Variants in DRG2 observed in about 807,000 individuals in gnomAD.
DRG2 encodes developmentally regulated GTP binding protein 2.
A neutral mutation model predicts 53.4 loss-of-function variants in DRG2; 36 were observed. The ratio of observed to expected loss-of-function variants is 0.67; its 90% CI spans 0.52 to 0.89. DRG2 has a LOEUF of 0.89. Ranked by LOEUF, DRG2 falls within the 40% of genes least tolerant of loss-of-function variation. The probability of loss-of-function intolerance (pLI) is 0.00; values close to 1 mark genes in which losing one functional copy is unlikely to be tolerated. For synonymous variants in DRG2, 167 were observed against 192.1 expected, an observed-to-expected ratio of 0.87 and a Z score of 1.08; for missense variants, 342 against 481.2, an observed-to-expected ratio of 0.71 and a Z score of 2.71.
At position 18,103,152 on chromosome 17, in the gene DRG2, C is replaced by T. The variant is rs932730737; in HGVS notation, c.807-649C>T. Among the ~76,000 whole-genome samples the T allele has an allele frequency of 6.6e-6, 1 of 152,126 alleles. No homozygotes were observed. Among genetic ancestry groups the T allele is most frequent in the Non-Finnish European group, 1.5e-5 (1 of 68,028 alleles). ...CCCAGGCCTTTGAGGGGCTGCCATCCTCAGGGCGTGAGAGCTTCTACACCT... is the reference window on the plus strand; with the variant it reads ...CCCAGGCCTTTGAGGGGCTGCCATCTTCAGGGCGTGAGAGCTTCTACACCT... On this transcript the variant is annotated intron_variant, in intron 9 of 12. Transcript: ENST00000225729. This position sits in a 1 kb window ranked among gnomAD's most constrained non-coding sequence, Gnocchi z 4.4.
chr17:18,090,934 A>G (rs2045323556), intron 1 of DRG2, among the ~76,000 whole-genome samples: 1 of 152,206 alleles, frequency 6.6e-6, no homozygotes, highest in African/African-American at 2.4e-5. Context: ...GCTTCCCCAA[A>G]GTGCTGGGAT....
Position 18,101,484 on chromosome 17 carries a change from G to C in DRG2, c.632-9G>C, listed in dbSNP as rs761443135. 6.2e-7 allele frequency: 1 copy of C among 1,613,646 alleles called. No individual in the cohort carries two copies. The highest frequency in any genetic ancestry group is 2.2e-5 in the East Asian group (1 of 44,878). ...GGTGCACAGGTTGCCCTTAATCGGAGCCCCTCAGAGATCTTCAATGCAGAA... is the reference window on the plus strand; with the variant it reads ...GGTGCACAGGTTGCCCTTAATCGGACCCCCTCAGAGATCTTCAATGCAGAA... On this transcript the variant is annotated splice_polypyrimidine_tract_variant and intron_variant, in intron 7 of 12. Coordinates refer to ENST00000225729, the MANE Select transcript of DRG2 (RefSeq NM_001388.5).
chr17:18,106,573 C>G (rs1033952425), intron 12 of DRG2, 87 bp downstream of exon 12: 36 of 1,442,812 alleles, frequency 2.5e-5, no homozygotes, highest in Middle Eastern at 1.7e-4. Flanking sequence ...ACACTCTCTG[C>G]GTGGTGTTCC....
In DRG2 at chr17:18,099,952, T is replaced by G. The variant is rs1205241121; in HGVS notation, c.467+229T>G. ...GGACTGGGGGCCGAGGGGCTTGGCC[T>G]GGCCCTGCTTCCTGTTCAGAGGCAC... On this transcript the variant is annotated intron_variant, in intron 5 of 12. Coordinates refer to ENST00000225729, the MANE Select transcript of DRG2 (RefSeq NM_001388.5). This position sits in a 1 kb window ranked among gnomAD's most constrained non-coding sequence, Gnocchi z 4.4. The G allele has an allele frequency of 5.0e-6, 3 of 600,768 alleles. No individual in the cohort carries two copies. The highest frequency in any genetic ancestry group is 8.8e-6 in the Non-Finnish European group (3 of 339,344). 37.2% of individuals were successfully genotyped at this position (600,768 alleles called of 1,614,324 possible).
intron 9 of DRG2, 23 bp downstream of exon 9, chr17:18,102,020 ACT>A: frequency 6.3e-7 from 1 of 1,599,398 alleles, no homozygotes; most frequent in Non-Finnish European, 8.5e-7. Flanking sequence ...GCATCCTGCC[ACT>A]CTGCTGTCCT....
At chr17:18,090,389 TATATATATA>T (rs1359102786) in intron 1 of DRG2, among the ~76,000 whole-genome samples, 1 of 12,704 alleles carries the variant, frequency 7.9e-5, no homozygotes, top group East Asian at 2.6e-3. Context: ...TATATATATA[TATATATATA>T]TATATATATT....
chr17:18,107,287 G>C lies in DRG2; in HGVS notation c.*47G>C, dbSNP rs372103375. On this transcript the variant is annotated 3_prime_UTR_variant, in exon 13 of 13. Coordinates refer to ENST00000225729, the MANE Select transcript of DRG2 (RefSeq NM_001388.5). ...CCCACCTGCCTCGTCTCCCTGGGGA[G>C]GTGGTCCCACTGGGACACACAAACA... The C allele has an allele frequency of 3.8e-6, 6 of 1,586,004 alleles. No individual in the cohort carries two copies. The highest frequency in any genetic ancestry group is 5.2e-6 in the Non-Finnish European group (6 of 1,159,960).
In DRG2 at chr17:18,107,435, G is replaced by C; in HGVS notation, c.*195G>C. 1 of 616,136 alleles carries C rather than the reference G, an allele frequency of 1.6e-6. No individual in the cohort carries two copies. The highest frequency in any genetic ancestry group is 2.9e-6 in the Non-Finnish European group (1 of 347,498). The allele number at this position is 616,136 out of a possible 1,614,324, so 38.2% of individuals were successfully genotyped here. A position where few individuals can be genotyped will look rare whatever the true frequency, so the allele number is the denominator to read the frequency against. ...TTGGGGCAAAGGGGCTCGGTTGGAG[G>C]CATTTCCCATAAGACTGAGCCCTCT... On this transcript the variant is annotated 3_prime_UTR_variant, in exon 13 of 13. Transcript: ENST00000225729.
chr17:18,104,495 G>C (rs1164966973), intron 10 of DRG2, 128 bp from the exon 11 acceptor site: 3 of 1,516,942 alleles, frequency 2.0e-6, no homozygotes, highest in Non-Finnish European at 1.8e-6. Context: ...CTGGATGTCA[G>C]GGGGAGGTTA....
rs753907126 is a variant in DRG2, at chr17:18,107,252, G to A, written c.*12G>A. 33 of 1,611,740 alleles carry A rather than the reference G, an allele frequency of 2.0e-5. No homozygotes were observed. Among genetic ancestry groups the A allele is most frequent in the Non-Finnish European group, 2.7e-5 (32 of 1,179,816 alleles). ...TCGTGAAGAAGTAACGGCGCCTGCC[G>A]GGCCTCCCGCCCACCTGCCTCGTCT... is the stretch of plus-strand genomic sequence containing the variant. On this transcript the variant is annotated 3_prime_UTR_variant, in exon 13 of 13. Coordinates refer to ENST00000225729, the MANE Select transcript of DRG2 (RefSeq NM_001388.5).
chr17:18,103,254 G>A lies in DRG2; in HGVS notation c.807-547G>A, dbSNP rs1457037213. On this transcript the variant is annotated intron_variant, in intron 9 of 12. Transcript: ENST00000225729. This position sits in a 1 kb window ranked among gnomAD's most constrained non-coding sequence, Gnocchi z 4.4. Reference sequence around the variant, plus strand: ...GTCACGGCGCAAACCTTCAAGCCACGGTCCACCCAGTATTTGGAGCAAGGC... The same window carrying A: ...GTCACGGCGCAAACCTTCAAGCCACAGTCCACCCAGTATTTGGAGCAAGGC... Among the ~76,000 whole-genome samples, 3 of 152,062 alleles carry A rather than the reference G, an allele frequency of 2.0e-5. No individual in the cohort carries two copies. Among genetic ancestry groups the A allele is most frequent in the Non-Finnish European group, 2.9e-5 (2 of 68,014 alleles).
At chr17:18,093,162 C>T (rs779289533) in intron 1 of DRG2, among the ~76,000 whole-genome samples, 1 of 152,182 alleles carries the variant, frequency 6.6e-6, no homozygotes, top group Admixed American at 6.5e-5. Flanking sequence ...AGCTGGTTTC[C>T]CTGCCCCCTG....
At chr17:18,104,444 A>C in intron 10 of DRG2, 179 bp from the exon 11 acceptor site, 3 of 1,319,428 alleles carry the variant, frequency 2.3e-6, no homozygotes, top group East Asian at 5.1e-5. Context: ...GTTAAGATCA[A>C]GGTCGTAGAA....
chr17:18,100,687 G>A lies in DRG2; in HGVS notation c.631+28G>A. ...ATCCTTCCCTGAAAGACACGTGAAG[G>A]AGGGCAGCCACCACCGTCAGCGCAG... is the stretch of plus-strand genomic sequence containing the variant. On this transcript the variant is annotated intron_variant, in intron 7 of 12. Transcript: ENST00000225729. The surrounding 1 kb of genome is among the most constrained non-coding windows in gnomAD (Gnocchi z 4.1). The A allele has an allele frequency of 6.3e-7, 1 of 1,598,870 alleles. No homozygotes were observed. The highest frequency in any genetic ancestry group is 8.5e-7 in the Non-Finnish European group (1 of 1,172,524).
At position 18,103,512 on chromosome 17, in the gene DRG2, C is replaced by T. The variant is rs1317009724; in HGVS notation, c.807-289C>T. Among the ~76,000 whole-genome samples, 2 of 152,198 alleles carry T rather than the reference C, an allele frequency of 1.3e-5. No individual in the cohort carries two copies. The highest frequency in any genetic ancestry group is 2.9e-5 in the Non-Finnish European group (2 of 68,026). On this transcript the variant is annotated intron_variant, in intron 9 of 12. Transcript: ENST00000225729. This position sits in a 1 kb window ranked among gnomAD's most constrained non-coding sequence, Gnocchi z 4.4. ...GTCCCGTCACAGCCCCCGGCCATCTCGCCATGGCAGCCCTTCACTAATCAC... is the reference window on the plus strand; with the variant it reads ...GTCCCGTCACAGCCCCCGGCCATCTTGCCATGGCAGCCCTTCACTAATCAC...
At chr17:18,093,371 G>A (rs1365762266) in intron 1 of DRG2, among the ~76,000 whole-genome samples, 1 of 150,712 alleles carries the variant, frequency 6.6e-6, no homozygotes, top group Admixed American at 6.6e-5. Context: ...CCAAGCTGGA[G>A]TGCAATGACG....
At chr17:18,106,197 A>G (rs2045626339) in intron 11 of DRG2, 8 of 564,970 alleles carry the variant, frequency 1.4e-5, no homozygotes, top group Middle Eastern at 4.8e-4. Flanking sequence ...ATTCCTAACT[A>G]TGCACCACAG....
At position 18,098,532 on chromosome 17, in the gene DRG2, C is replaced by T; in HGVS notation, c.315+173C>T. On this transcript the variant is annotated intron_variant, in intron 3 of 12. Coordinates refer to ENST00000225729, the MANE Select transcript of DRG2 (RefSeq NM_001388.5). The surrounding 1 kb of genome is among the most constrained non-coding windows in gnomAD (Gnocchi z 4.1). Reference sequence around the variant, plus strand: ...ACTTCTGGGGATCCTAGCTGCTGGACCCCAGAGATGCCTGGTGGGGCCTGG... The same window carrying T: ...ACTTCTGGGGATCCTAGCTGCTGGATCCCAGAGATGCCTGGTGGGGCCTGG... 18 of 585,458 alleles carry T rather than the reference C, an allele frequency of 3.1e-5. No homozygotes were observed. The South Asian group carries it at 3.3e-4, about 11-fold the overall frequency. The allele number at this position is 585,458 out of a possible 1,614,324, so 36.3% of individuals were successfully genotyped here.
rs748551863 is a variant in DRG2, at chr17:18,093,787, C to A, written c.65-26C>A. 3.7e-6 allele frequency: 6 copies of A among 1,608,368 alleles called. No homozygotes were observed. The Admixed American group carries it at 1.0e-4, about 27-fold the overall frequency. On this transcript the variant is annotated intron_variant, in intron 1 of 12. Transcript: ENST00000225729. ...GGGCTTGGACACCCTGGCCACTCAT[C>A]TTCTGTCTTGCTTTCCATCCTTTAG...
Sources: allele counts gnomAD v4.1 joint callset (sites outside exome capture counted in the v4.1 genomes callset), GRCh38; gene constraint gnomAD v4.1.1; non-coding constraint Gnocchi (gnomAD v3.1); transcripts MANE v1.5; gene names NCBI Gene and HGNC (gene_info 2026-07-23, HGNC 2026-07-21).